The following CNTNAP2 variants were observed in gnomAD, a reference collection of about 807,000 sequenced individuals.
The protein encoded by CNTNAP2 is contactin associated protein 2, also known as contactin-associated protein-like 2.
A neutral mutation model predicts 155.2 loss-of-function variants in CNTNAP2; 98 were observed. The observed-to-expected ratio is 0.63, with a 90% CI of 0.54 to 0.75. The LOEUF is 0.75. Ranked by LOEUF, CNTNAP2 falls within the 30% of genes least tolerant of loss-of-function variation. The pLI is 0.00. For synonymous variants in CNTNAP2, 651 were observed against 631.2 expected (o/e 1.03, Z -0.47); for missense variants, 1,727 against 1,688.1 (o/e 1.02, Z -0.40).
intron 1 of CNTNAP2, among the ~76,000 whole-genome samples, chr7:146,262,527 T>C (rs1799935891): frequency 2.0e-5 from 3 of 152,194 alleles, no homozygotes; most frequent in African/African-American, 7.2e-5. Context: ...TTTTCCAATA[T>C]GTACAAATCA....
chr7:147,043,147 T>C (rs948703070), intron 3 of CNTNAP2, among the ~76,000 whole-genome samples: 1 of 152,170 alleles, frequency 6.6e-6, no homozygotes, highest in Non-Finnish European at 1.5e-5. Flanking sequence ...TCACACATCC[T>C]TGAATATCCC....
chr7:147,318,938 T>G (rs996947842), intron 9 of CNTNAP2, among the ~76,000 whole-genome samples: 5 of 152,134 alleles, frequency 3.3e-5, no homozygotes, highest in African/African-American at 1.2e-4. Flanking sequence ...AAGAGTTTCA[T>G]GTGGTAGGAA....
At chr7:146,390,554 CTA>C (rs1007357475) in intron 1 of CNTNAP2, among the ~76,000 whole-genome samples, 11 of 148,670 alleles carry the variant, frequency 7.4e-5, no homozygotes, top group African/African-American at 7.4e-5. Context: ...TATATACACA[CTA>C]TATATATATA....
At chr7:147,213,473 A>G (rs1390720) in intron 8 of CNTNAP2, among the ~76,000 whole-genome samples, 63,161 of 151,728 alleles carry the variant, frequency 0.42, 13,582 homozygotes, top group Non-Finnish European at 0.45. Context: ...CAAGGAAATC[A>G]TGTTAGTATT....
intron 11 of CNTNAP2, among the ~76,000 whole-genome samples, chr7:147,546,436 C>G (rs955750452): frequency 5.9e-5 from 9 of 152,036 alleles, no homozygotes; most frequent in African/African-American, 1.9e-4. Flanking sequence ...TATCAAGTGC[C>G]TACTCTATGC....
At chr7:147,654,534 C>T (rs1353144589) in intron 13 of CNTNAP2, among the ~76,000 whole-genome samples, 1 of 152,196 alleles carries the variant, frequency 6.6e-6, no homozygotes, top group African/African-American at 2.4e-5. Flanking sequence ...GTTACATCTT[C>T]AGACTCCATT....
At chr7:146,426,185 CAAA>C (rs57484419) in intron 1 of CNTNAP2, among the ~76,000 whole-genome samples, 246 of 54,628 alleles carry the variant, frequency 4.5e-3, no homozygotes, top group African/African-American at 0.017. Flanking sequence ...GACTTCGCCT[CAAA>C]AAAAAAAAAA....
chr7:146,628,381 C>T (rs191184783), intron 1 of CNTNAP2, among the ~76,000 whole-genome samples: 39 of 151,996 alleles, frequency 2.6e-4, no homozygotes, highest in African/African-American at 9.4e-4. Flanking sequence ...AGTAGTTGAT[C>T]AAATGATATA....
At chr7:148,291,689 A>G (rs893322517) in intron 21 of CNTNAP2, among the ~76,000 whole-genome samples, 2 of 152,186 alleles carry the variant, frequency 1.3e-5, no homozygotes, top group Non-Finnish European at 2.9e-5. Flanking sequence ...TCAAGTTGAC[A>G]GTTAGTATTA....
chr7:146,806,911 T>C (rs937456609), intron 2 of CNTNAP2, among the ~76,000 whole-genome samples: 2 of 152,182 alleles, frequency 1.3e-5, no homozygotes, highest in South Asian at 2.1e-4. Context: ...AGTGGTATAA[T>C]ACTAGGACCT....
intron 1 of CNTNAP2, among the ~76,000 whole-genome samples, chr7:146,689,523 G>A (rs1025142556): frequency 3.9e-5 from 6 of 151,974 alleles, no homozygotes; most frequent in African/African-American, 7.2e-5. Context: ...GGCCACCAAC[G>A]TCCTTGAGAA....
intron 10 of CNTNAP2, among the ~76,000 whole-genome samples, chr7:147,444,167 G>A (rs1247029872): frequency 3.3e-5 from 5 of 152,066 alleles, no homozygotes; most frequent in Non-Finnish European, 7.4e-5. Context: ...ACCCTTTAAG[G>A]GGCAAAATTG....
chr7:147,550,063 G>A (rs851817), intron 11 of CNTNAP2, among the ~76,000 whole-genome samples: 68,971 of 151,986 alleles, frequency 0.45, 15,808 homozygotes, highest in East Asian at 0.6. Context: ...AATGAGTACT[G>A]CAGATCCTTA....
intron 12 of CNTNAP2, among the ~76,000 whole-genome samples, chr7:147,565,970 C>A (rs760362658): frequency 1.2e-4 from 18 of 151,608 alleles, no homozygotes; most frequent in Non-Finnish European, 2.4e-4. Flanking sequence ...GAAACAGCAT[C>A]TCAGGAATGA....
At chr7:146,463,727 T>C (rs777318243) in intron 1 of CNTNAP2, among the ~76,000 whole-genome samples, 6 of 152,110 alleles carry the variant, frequency 3.9e-5, no homozygotes, top group Non-Finnish European at 8.8e-5. Context: ...TATGTGTGTA[T>C]ATATATAGAG....
In CNTNAP2 at chr7:147,553,215, G is replaced by A. The variant is rs772707997; in HGVS notation, c.1778-8923G>A. ...GGGAAACGGGACTAGCATGTAGCAC[G>A]TGTCTACCTGCCCTTGAATCTAAGA... On this transcript the variant is annotated intron_variant, in intron 11 of 23. Coordinates refer to ENST00000361727, the MANE Select transcript of CNTNAP2 (RefSeq NM_014141.6). Among the ~76,000 whole-genome samples the A allele has an allele frequency of 5.3e-5, 8 of 152,290 alleles. No homozygotes were observed. The East Asian group carries it at 7.7e-4, about 15-fold the overall frequency.
chr7:146,550,406 T>G (rs974414776), intron 1 of CNTNAP2, among the ~76,000 whole-genome samples: 1 of 104,948 alleles, frequency 9.5e-6, no homozygotes, highest in African/African-American at 3.2e-5. Flanking sequence ...AATCTGTTTT[T>G]TTTTTTTTTT....
At chr7:146,876,399 C>T (rs564054034) in intron 3 of CNTNAP2, among the ~76,000 whole-genome samples, 182 of 152,004 alleles carry the variant, frequency 1.2e-3, no homozygotes, top group African/African-American at 4.1e-3. Context: ...ATAGCTCCTC[C>T]GTAAAGAAAG....
chr7:146,714,210 C>G (rs1443818199), intron 1 of CNTNAP2, among the ~76,000 whole-genome samples: 1 of 152,144 alleles, frequency 6.6e-6, no homozygotes, highest in South Asian at 2.1e-4. Context: ...CTCTTCATAG[C>G]TCTCACACTT....
Sources: gnomAD v4.1 joint callset for allele counts (sites outside exome capture counted in the v4.1 genomes callset) on GRCh38, gnomAD v4.1.1 for gene constraint, MANE v1.5 for transcripts, NCBI Gene and HGNC (gene_info 2026-07-23, HGNC 2026-07-21) for gene names.